GMDS: variants seen among roughly 807,000 people sequenced by gnomAD.
GMDS encodes the protein GDP-mannose 4,6 dehydratase.
In GMDS, 20 loss-of-function variants were observed where a neutral mutation model predicts 49.9. The observed-to-expected ratio is 0.40, with a 90% CI of 0.28 to 0.58. The LOEUF is 0.58. Among genes scored for constraint, GMDS ranks in the 20% least tolerant of loss-of-function variants. GMDS has a pLI of 0.42. For synonymous variants in GMDS, 177 were observed against 178.6 expected, an observed-to-expected ratio of 0.99 and a Z score of 0.07; for missense variants, 362 against 481.4, an observed-to-expected ratio of 0.75 and a Z score of 2.32.
intron 1 of GMDS, among the ~76,000 whole-genome samples, chr6:2,133,209 GA>G (rs1775833201): frequency 6.6e-6 from 1 of 151,982 alleles, no homozygotes; most frequent in Non-Finnish European, 1.5e-5. Flanking sequence ...AATTTGGAAG[GA>G]AAAAAACTGC....
At chr6:2,157,320 C>G (rs1431035419) in intron 1 of GMDS, among the ~76,000 whole-genome samples, 1 of 152,202 alleles carries the variant, frequency 6.6e-6, no homozygotes, top group East Asian at 1.9e-4. Context: ...GAGACCTCCA[C>G]TAAGATAGTC....
chr6:1,950,732 T>C (rs1240114831), intron 6 of GMDS, among the ~76,000 whole-genome samples: 3 of 152,234 alleles, frequency 2.0e-5, no homozygotes, highest in Non-Finnish European at 2.9e-5. Flanking sequence ...AAAAATGAGA[T>C]GGCATTCATC....
chr6:1,647,663 A>G (rs1763527822), intron 9 of GMDS, among the ~76,000 whole-genome samples: 1 of 152,226 alleles, frequency 6.6e-6, no homozygotes, highest in Non-Finnish European at 1.5e-5. Context: ...TCCTGGGCAC[A>G]GTGGAAGGAA....
chr6:2,096,914 G>A (rs552659515), intron 4 of GMDS, among the ~76,000 whole-genome samples: 167 of 152,148 alleles, frequency 1.1e-3, no homozygotes, highest in African/African-American at 3.8e-3. Flanking sequence ...TTAAGTTAGT[G>A]ACTGTAAATT....
intron 4 of GMDS, among the ~76,000 whole-genome samples, chr6:2,042,018 A>T (rs1769714274): frequency 6.6e-6 from 1 of 152,236 alleles, no homozygotes. Flanking sequence ...ATATCACTTA[A>T]AATTTGGGTC....
intron 4 of GMDS, among the ~76,000 whole-genome samples, chr6:1,990,913 C>A (rs546884672): frequency 4.4e-4 from 67 of 152,180 alleles, no homozygotes; most frequent in African/African-American, 1.4e-3. Flanking sequence ...TACTCTAACT[C>A]TCTGGCTGCC....
At chr6:2,074,735 C>T (rs1007422193) in intron 4 of GMDS, among the ~76,000 whole-genome samples, 3 of 152,060 alleles carry the variant, frequency 2.0e-5, no homozygotes, top group Admixed American at 1.3e-4. Context: ...AACTCCTGGC[C>T]TCAAGAAATT....
At chr6:2,166,067 C>A (rs915755318) in intron 1 of GMDS, among the ~76,000 whole-genome samples, 1 of 152,044 alleles carries the variant, frequency 6.6e-6, no homozygotes, top group African/African-American at 2.4e-5. Context: ...ACTGGGCGAC[C>A]CAACAAGCAA....
At chr6:1,696,791 TC>T (rs1765357919) in intron 9 of GMDS, among the ~76,000 whole-genome samples, 2 of 152,192 alleles carry the variant, frequency 1.3e-5, no homozygotes, top group South Asian at 2.1e-4. Flanking sequence ...AGGCTTCATC[TC>T]CAACAGAGGA....
At chr6:1,813,926 A>G (rs1265443802) in intron 7 of GMDS, among the ~76,000 whole-genome samples, 1 of 152,240 alleles carries the variant, frequency 6.6e-6, no homozygotes, top group African/African-American at 2.4e-5. Flanking sequence ...ATAAAGACAT[A>G]TAGAGCCTGA....
intron 4 of GMDS, among the ~76,000 whole-genome samples, chr6:2,105,858 T>C (rs1198742134): frequency 2.0e-5 from 3 of 152,202 alleles, no homozygotes; most frequent in Non-Finnish European, 4.4e-5. Flanking sequence ...GCATAATTGC[T>C]ATCAACACAA....
At chr6:2,206,119 G>A (rs535774117) in intron 1 of GMDS, among the ~76,000 whole-genome samples, 114 of 152,236 alleles carry the variant, frequency 7.5e-4, no homozygotes, top group African/African-American at 2.6e-3. Context: ...TTAGCCGGGC[G>A]TGGTGGCACA....
intron 9 of GMDS, among the ~76,000 whole-genome samples, chr6:1,667,531 T>A (rs11752366): frequency 0.068 from 10,284 of 152,202 alleles, 378 homozygotes; most frequent in Middle Eastern, 0.092. Context: ...TTAACAGCAA[T>A]CTTGTCTTAC....
chr6:1,684,013 C>G (rs62388271), intron 9 of GMDS, among the ~76,000 whole-genome samples: 2 of 63,670 alleles, frequency 3.1e-5, no homozygotes, highest in African/African-American at 4.7e-5. Flanking sequence ...TGGGTTTTGC[C>G]ATCGGGAGGC....
chr6:2,037,920 G>A (rs1769399973), intron 4 of GMDS, among the ~76,000 whole-genome samples: 1 of 152,124 alleles, frequency 6.6e-6, no homozygotes, highest in African/African-American at 2.4e-5. Flanking sequence ...AGATAAATAA[G>A]TACTGTAAGT....
intron 9 of GMDS, among the ~76,000 whole-genome samples, chr6:1,644,133 C>A (rs1006791649): frequency 3.3e-5 from 5 of 152,224 alleles, no homozygotes; most frequent in Non-Finnish European, 5.9e-5. Context: ...GGCACCTCAG[C>A]CTGCAGATAC....
At chr6:2,057,858 A>G (rs1361092627) in intron 4 of GMDS, among the ~76,000 whole-genome samples, 1 of 152,214 alleles carries the variant, frequency 6.6e-6, no homozygotes, top group African/African-American at 2.4e-5. Context: ...CTTAACATGT[A>G]GCTAGTGAAG....
At chr6:2,124,545 G>C (rs958475854) in intron 2 of GMDS, 142 bp downstream of exon 2, 2 of 716,920 alleles carry the variant, frequency 2.8e-6, no homozygotes, top group African/African-American at 3.5e-5. Flanking sequence ...CAAGCCCAAA[G>C]ACACATTCTT....
intron 1 of GMDS, among the ~76,000 whole-genome samples, chr6:2,194,732 C>A (rs1436899202): frequency 6.6e-6 from 1 of 152,240 alleles, no homozygotes; most frequent in East Asian, 1.9e-4. Context: ...GTGTCACACA[C>A]AGTAAACATT....
Sources: allele counts gnomAD v4.1 joint callset (sites outside exome capture counted in the v4.1 genomes callset), GRCh38; gene constraint gnomAD v4.1.1; transcripts MANE v1.5; gene names NCBI Gene and HGNC (gene_info 2026-07-23, HGNC 2026-07-21).